MSRA: variants seen among roughly 807,000 people sequenced by gnomAD.
MSRA encodes methionine sulfoxide reductase A.
In MSRA, 54 loss-of-function variants were observed where a neutral mutation model predicts 31.3. That is an observed-to-expected ratio of 1.73 (90% CI 1.39 to 2.17). MSRA has a LOEUF of 2.17. MSRA is among the 30% of genes most tolerant of loss of function. The pLI is 0.00. For synonymous variants in MSRA, 169 were observed against 116.5 expected (o/e 1.45, Z -2.90); for missense variants, 507 against 300.9 (o/e 1.69, Z -5.07).
intron 2 of MSRA, among the ~76,000 whole-genome samples, chr8:10,235,269 C>G (rs1293663372): frequency 1.3e-5 from 2 of 152,018 alleles, no homozygotes; most frequent in African/African-American, 4.8e-5. Flanking sequence ...GGTAGTATAA[C>G]AGGCCATATG....
chr8:10,254,856 T>G (rs1798094787), intron 3 of MSRA, among the ~76,000 whole-genome samples: 1 of 152,256 alleles, frequency 6.6e-6, no homozygotes, highest in South Asian at 2.1e-4. Context: ...GAAAATGGCT[T>G]ATAAAAAATA....
chr8:10,113,858 G>C (rs1261302109), intron 1 of MSRA, among the ~76,000 whole-genome samples: 2 of 151,988 alleles, frequency 1.3e-5, no homozygotes, highest in Admixed American at 1.3e-4. Flanking sequence ...ACAATTCAGT[G>C]GTTATTAGTA....
At chr8:10,397,870 G>C (rs1807198271) in intron 5 of MSRA, among the ~76,000 whole-genome samples, 1 of 152,168 alleles carries the variant, frequency 6.6e-6, no homozygotes, top group African/African-American at 2.4e-5. Context: ...AAAAAAAGGA[G>C]AAGTAAGGAA....
intron 2 of MSRA, among the ~76,000 whole-genome samples, chr8:10,225,892 G>A (rs1810958380): frequency 6.6e-6 from 1 of 152,186 alleles, no homozygotes; most frequent in Non-Finnish European, 1.5e-5. Flanking sequence ...TTGGGAGATA[G>A]GAAAGTGACA....
At chr8:10,270,888 A>G (rs910192106) in intron 3 of MSRA, among the ~76,000 whole-genome samples, 3 of 152,214 alleles carry the variant, frequency 2.0e-5, no homozygotes, top group Non-Finnish European at 2.9e-5. Flanking sequence ...CCCGGACACA[A>G]TGGGAGCCAG....
chr8:10,344,137 C>G (rs1803618967), intron 5 of MSRA, among the ~76,000 whole-genome samples: 1 of 152,208 alleles, frequency 6.6e-6, no homozygotes, highest in South Asian at 2.1e-4. Flanking sequence ...CCAAAAGATA[C>G]TGGCTTTGAG....
intron 3 of MSRA, among the ~76,000 whole-genome samples, chr8:10,293,302 T>G (rs146497763): frequency 3.7e-4 from 56 of 152,284 alleles, no homozygotes; most frequent in African/African-American, 1.3e-3. Flanking sequence ...CATGAGCCAC[T>G]TTGTGGCTTT....
At chr8:10,400,469 C>G (rs1439910581) in intron 5 of MSRA, among the ~76,000 whole-genome samples, 1 of 151,914 alleles carries the variant, frequency 6.6e-6, no homozygotes, top group African/African-American at 2.4e-5. Flanking sequence ...CCCCATGTGA[C>G]TGCTGGGAGG....
intron 1 of MSRA, among the ~76,000 whole-genome samples, chr8:10,123,955 G>T (rs563570849): frequency 6.6e-6 from 1 of 151,680 alleles, no homozygotes; most frequent in Admixed American, 6.6e-5. Flanking sequence ...GCCTCAAGTG[G>T]AAGTCTCGAT....
intron 1 of MSRA, among the ~76,000 whole-genome samples, chr8:10,100,707 T>G (rs138656761): frequency 2.6e-4 from 40 of 152,280 alleles, no homozygotes; most frequent in African/African-American, 9.4e-4. Flanking sequence ...ACTTAAAAGT[T>G]TGGCCGTGAG....
chr8:10,288,994 CT>C (rs989802568), intron 3 of MSRA, among the ~76,000 whole-genome samples: 36 of 147,802 alleles, frequency 2.4e-4, no homozygotes, highest in Non-Finnish European at 4.3e-4. Context: ...TTTTTTTTTC[CT>C]TTTTTCTTTT....
chr8:10,173,005 A>T (rs559381790), intron 1 of MSRA, among the ~76,000 whole-genome samples: 1 of 152,344 alleles, frequency 6.6e-6, no homozygotes, highest in East Asian at 1.9e-4. Context: ...GGGAGAGGAT[A>T]GGGAAGAAGA....
chr8:10,173,444 A>G (rs904187733), intron 1 of MSRA, among the ~76,000 whole-genome samples: 7 of 152,258 alleles, frequency 4.6e-5, no homozygotes, highest in Non-Finnish European at 8.8e-5. Flanking sequence ...TCGTGTTTCA[A>G]TAGTTAGCCT....
intron 5 of MSRA, among the ~76,000 whole-genome samples, chr8:10,427,553 C>T (rs184105730): frequency 1.9e-4 from 29 of 152,290 alleles, no homozygotes; most frequent in East Asian, 1.5e-3. Context: ...CTCACCAGGA[C>T]GTGCCAGCAG....
At chr8:10,095,950 G>C in intron 1 of MSRA, 1 of 1,358,724 alleles carries the variant, frequency 7.4e-7, no homozygotes, top group Middle Eastern at 2.8e-4. Flanking sequence ...TAATTAGAGG[G>C]AATATTAATT....
chr8:10,392,992 G>T (rs958715087), intron 5 of MSRA, among the ~76,000 whole-genome samples: 5 of 150,460 alleles, frequency 3.3e-5, no homozygotes, highest in Non-Finnish European at 7.4e-5. Context: ...AACCCGGGAG[G>T]CGGAGCTTGC....
chr8:10,096,779 C>G (rs1480939895), intron 1 of MSRA, among the ~76,000 whole-genome samples: 2 of 152,108 alleles, frequency 1.3e-5, no homozygotes, highest in African/African-American at 2.4e-5. Flanking sequence ...TCTTAAAAAT[C>G]AGCATTATTG....
intron 1 of MSRA, among the ~76,000 whole-genome samples, chr8:10,087,384 G>A (rs554703307): frequency 4.2e-4 from 64 of 152,278 alleles, no homozygotes; most frequent in African/African-American, 1.1e-3. Flanking sequence ...GCTCCATGAT[G>A]GCAGGGGCTC....
intron 3 of MSRA, among the ~76,000 whole-genome samples, chr8:10,296,930 C>A (rs1351135053): frequency 9.2e-5 from 14 of 152,202 alleles, no homozygotes; most frequent in African/African-American, 3.4e-4. Context: ...TTCTTATGTA[C>A]TGCGTGGGCC....
Sources: allele counts gnomAD v4.1 joint callset (sites outside exome capture counted in the v4.1 genomes callset), GRCh38; gene constraint gnomAD v4.1.1; transcripts MANE v1.5; gene names NCBI Gene and HGNC (gene_info 2026-07-23, HGNC 2026-07-21).